PPP4R3B: variants seen among roughly 807,000 people sequenced by gnomAD.
The protein encoded by PPP4R3B is serine/threonine-protein phosphatase 4 regulatory subunit 3B.
PPP4R3B carries 52 observed loss-of-function variants against 95.4 expected under a neutral mutation model. The observed-to-expected ratio is 0.54, with a 90% CI of 0.44 to 0.69. The LOEUF (loss-of-function observed/expected upper bound fraction) is 0.69. PPP4R3B is among the 30% of genes least tolerant of loss of function. The pLI is 0.00. For synonymous variants in PPP4R3B, 407 were observed against 343.9 expected, an observed-to-expected ratio of 1.18 and a Z score of -2.03; for missense variants, 1,003 against 1,005.9, an observed-to-expected ratio of 1.00 and a Z score of 0.04.
intron 13 of PPP4R3B, 22 bp downstream of exon 13, chr2:55,568,172 C>T: frequency 7.0e-7 from 1 of 1,436,508 alleles, no homozygotes; most frequent in South Asian, 1.6e-5. Context: ...CATATAATAA[C>T]AGCTGTTTTA....
chr2:55,570,819 C>T (rs940539727), intron 12 of PPP4R3B, among the ~76,000 whole-genome samples: 4 of 152,174 alleles, frequency 2.6e-5, no homozygotes, highest in African/African-American at 9.7e-5. Context: ...ACGTGTTAGA[C>T]TTACAATCTT....
chr2:55,578,302 T>G lies in PPP4R3B; in HGVS notation c.1509A>C (p.Ile503=), dbSNP rs754786922. 1 of 1,476,312 alleles carries G rather than the reference T, an allele frequency of 6.8e-7. No homozygotes were observed. Among genetic ancestry groups the G allele is most frequent in the East Asian group, 2.6e-5 (1 of 38,832 alleles). The allele number at this position is 1,476,312 out of a possible 1,614,324, so 91.5% of individuals were successfully genotyped here. ...LKHYRYSWSF[I]CTPSHSHSHS... ...GGGAATGGGAATGTGAAGGGGTACATATGAAACTCCAACTATATCTGTAAT... is the reference window on the plus strand; with the variant it reads ...GGGAATGGGAATGTGAAGGGGTACAGATGAAACTCCAACTATATCTGTAAT... The change falls in exon 10 of 17, where the codon ATA becomes ATC. Residue 503 remains isoleucine (I), a synonymous_variant. Coordinates refer to ENST00000616407, the MANE Select transcript of PPP4R3B (RefSeq NM_001122964.3).
At chr2:55,600,856 C>T (rs1037396002) in intron 3 of PPP4R3B, among the ~76,000 whole-genome samples, 2 of 152,028 alleles carry the variant, frequency 1.3e-5, no homozygotes, top group Admixed American at 6.6e-5. Context: ...AAGGAAAATT[C>T]AGTATTAACA....
intron 13 of PPP4R3B, among the ~76,000 whole-genome samples, chr2:55,567,561 G>A (rs558569242): frequency 3.9e-5 from 6 of 152,180 alleles, no homozygotes; most frequent in African/African-American, 1.2e-4. Flanking sequence ...GACTACAGGC[G>A]TGTGCCATCA....
At chr2:55,570,964 C>A (rs995572264) in intron 12 of PPP4R3B, among the ~76,000 whole-genome samples, 1 of 152,132 alleles carries the variant, frequency 6.6e-6, no homozygotes, top group Non-Finnish European at 1.5e-5. Flanking sequence ...ACTACAGTTA[C>A]AACAGCACTG....
intron 12 of PPP4R3B, 67 bp from the exon 13 acceptor site, chr2:55,568,430 T>C: frequency 7.4e-7 from 1 of 1,344,554 alleles, no homozygotes; most frequent in Non-Finnish European, 1.0e-6. Context: ...ACAGGTGTTT[T>C]TCCACCATAA....
intron 7 of PPP4R3B, 141 bp downstream of exon 7, chr2:55,584,910 G>A: frequency 1.5e-6 from 1 of 647,868 alleles, no homozygotes; most frequent in Non-Finnish European, 2.6e-6. Flanking sequence ...ATTCTAATTT[G>A]GCCAAAGTCA....
Position 55,598,779 on chromosome 2 carries a change from T to C in PPP4R3B, c.558A>G (p.Glu186=). The C allele has an allele frequency of 6.2e-7, 1 of 1,614,246 alleles. No homozygotes were observed. Among genetic ancestry groups the C allele is most frequent in the African/African-American group, 1.3e-5 (1 of 75,078 alleles). Reference sequence around the variant, plus strand: ...ACAAATGGTGTAAGCCTTCAGTGTTTTCTAGGTTCTCGCAAGCTTGGAACA... The same window carrying C: ...ACAAATGGTGTAAGCCTTCAGTGTTCTCTAGGTTCTCGCAAGCTTGGAACA... The part of the protein sequence containing the change: ...LQLFQACENL[E]NTEGLHHLYE... Residue 186 remains glutamate, a synonymous_variant, in exon 4 of 17, where the codon GAA becomes GAG. Coordinates refer to ENST00000616407, the MANE Select transcript of PPP4R3B (RefSeq NM_001122964.3).
chr2:55,562,016 T>C lies in PPP4R3B; in HGVS notation c.2260+2297A>G, dbSNP rs577308629. ...GGCTCTTGTCCCCACCCAAATCTCATTGTGAATTGTAATCCCCAGGTGTTG... is the reference window on the plus strand; with the variant it reads ...GGCTCTTGTCCCCACCCAAATCTCACTGTGAATTGTAATCCCCAGGTGTTG... On this transcript the variant is annotated intron_variant, in intron 15 of 16. Transcript: ENST00000616407. Among the ~76,000 whole-genome samples, 36 of 152,294 alleles carry C rather than the reference T, an allele frequency of 2.4e-4. 1 individual carries two copies. Among genetic ancestry groups the C allele is most frequent in the African/African-American group, 7.9e-4 (33 of 41,562 alleles).
Position 55,562,832 on chromosome 2 carries a change from T to A in PPP4R3B, c.2260+1481A>T, listed in dbSNP as rs543256900. ...CTGACTCTTCCTTTTATTGTCTCCC[T>A]GTAGCTTCCACTCACTGACTCTACA... On this transcript the variant is annotated intron_variant, in intron 15 of 16. Transcript: ENST00000616407. Among the ~76,000 whole-genome samples the A allele has an allele frequency of 4.3e-4, 66 of 152,350 alleles. 1 individual carries two copies. Among genetic ancestry groups the A allele is most frequent in the Non-Finnish European group, 2.8e-4 (19 of 68,038 alleles).
intron 12 of PPP4R3B, among the ~76,000 whole-genome samples, chr2:55,572,643 T>C (rs1688155892): frequency 6.6e-6 from 1 of 152,158 alleles, no homozygotes. Flanking sequence ...AATTAAAACT[T>C]AGAGATACAT....
chr2:55,595,729 A>G (rs1013257303), intron 4 of PPP4R3B, among the ~76,000 whole-genome samples: 7 of 122,810 alleles, frequency 5.7e-5, no homozygotes. Context: ...TCTTTAAGCA[A>G]AAGTACATGA....
rs891330549 is a variant in PPP4R3B, at chr2:55,617,446, G to A, written c.-161C>T. On this transcript the variant is annotated 5_prime_UTR_variant, in exon 1 of 17. Transcript: ENST00000616407. The stretch of plus-strand genomic sequence containing the variant: ...GCTCCAAAGGTTCAGCCGCGAGAAG[G>A]GGTGACAAGAGCCACTGAGGCCTCT... 2.5e-5 allele frequency: 21 copies of A among 855,704 alleles called. No homozygotes were observed. Among genetic ancestry groups the A allele is most frequent in the Middle Eastern group, 3.8e-4 (1 of 2,604 alleles). The allele number at this position is 855,704 out of a possible 1,614,324, so 53.0% of individuals were successfully genotyped here.
intron 16 of PPP4R3B, among the ~76,000 whole-genome samples, chr2:55,555,293 A>G (rs1362394837): frequency 6.6e-6 from 1 of 150,986 alleles, no homozygotes; most frequent in East Asian, 1.9e-4. Flanking sequence ...AAAAAAAAAA[A>G]AAAAGAAAGA....
At chr2:55,573,386 C>A (rs1688251679) in intron 12 of PPP4R3B, among the ~76,000 whole-genome samples, 1 of 152,138 alleles carries the variant, frequency 6.6e-6, no homozygotes, top group Non-Finnish European at 1.5e-5. Flanking sequence ...TGTCACTGCA[C>A]ATGGTAATGT....
At chr2:55,591,434 T>C in intron 4 of PPP4R3B, 1 of 792,866 alleles carries the variant, frequency 1.3e-6, no homozygotes, top group Non-Finnish European at 1.5e-6. Flanking sequence ...TGAGCCACCA[T>C]GCCCAGCCTA....
chr2:55,584,261 C>T (rs980129464), intron 7 of PPP4R3B, among the ~76,000 whole-genome samples: 4 of 151,982 alleles, frequency 2.6e-5, no homozygotes, highest in African/African-American at 9.7e-5. Flanking sequence ...TTCATTTTGT[C>T]CTTAAAATAG....
intron 10 of PPP4R3B, 55 bp from the exon 11 acceptor site, chr2:55,577,411 T>C: frequency 7.3e-7 from 1 of 1,362,286 alleles, no homozygotes; most frequent in African/African-American, 1.5e-5. Context: ...TATCCCAGAT[T>C]TCCCTAGTAC....
intron 16 of PPP4R3B, among the ~76,000 whole-genome samples, chr2:55,556,790 G>A (rs1383225434): frequency 6.6e-6 from 1 of 152,152 alleles, no homozygotes; most frequent in African/African-American, 2.4e-5. Context: ...AGTCGGCCGG[G>A]CATGGTGGCT....
Sources: allele counts gnomAD v4.1 joint callset (sites outside exome capture counted in the v4.1 genomes callset), GRCh38; gene constraint gnomAD v4.1.1; transcripts MANE v1.5; gene names NCBI Gene and HGNC (gene_info 2026-07-23, HGNC 2026-07-21).